Variants in TIAM1 observed in about 807,000 individuals in gnomAD.
The protein encoded by TIAM1 is rho guanine nucleotide exchange factor TIAM1.
Under a neutral mutation model 163.5 loss-of-function variants are expected in TIAM1, and 65 were observed. That is an observed-to-expected ratio of 0.40 (90% confidence interval 0.33 to 0.49). TIAM1 has a LOEUF of 0.49. Ranked by LOEUF, TIAM1 falls within the 20% of genes least tolerant of loss-of-function variation. TIAM1 has a pLI of 0.77. For missense variants in TIAM1, 1,789 were observed against 2,044.7 expected (o/e 0.87, Z 2.41); for synonymous variants, 833 against 810.1 (o/e 1.03, Z -0.48).
rs763691801 is a variant in TIAM1 at position 31,141,803 on chromosome 21, CAT to C, written c.3476-301_3476-300del. On this transcript the variant is annotated intron_variant, in intron 20 of 27. Coordinates refer to ENST00000541036, the MANE Select transcript of TIAM1 (RefSeq NM_001353694.2). The surrounding 1 kb of genome is among the most constrained non-coding windows in gnomAD (Gnocchi z 4.7). ...TGCTCTTTATCCTCCTCCTATTACA[CAT>C]GTTTTTTTATCCTGATGTTTTGACA... Among the ~76,000 whole-genome samples, 20 of 152,144 alleles carry C rather than the reference CAT, an allele frequency of 1.3e-4. No individual in the cohort carries two copies. Among genetic ancestry groups the C allele is most frequent in the African/African-American group, 3.4e-4 (14 of 41,436 alleles).
intron 11 of TIAM1, among the ~76,000 whole-genome samples, chr21:31,205,823 G>A (rs935241289): frequency 2.6e-5 from 4 of 152,014 alleles, no homozygotes; most frequent in South Asian, 2.1e-4. Context: ...ACTTAGCCAC[G>A]CATGGTGGGG....
At chr21:31,166,143 G>A (rs574163401) in intron 15 of TIAM1, among the ~76,000 whole-genome samples, 41 of 152,282 alleles carry the variant, frequency 2.7e-4, no homozygotes, top group African/African-American at 9.4e-4. Context: ...TACTAGCTCC[G>A]AATGATACTA....
chr21:31,372,870 A>T (rs886751603), intron 2 of TIAM1, among the ~76,000 whole-genome samples: 1 of 152,030 alleles, frequency 6.6e-6, no homozygotes, highest in Non-Finnish European at 1.5e-5. Flanking sequence ...AGCTTGACCA[A>T]CATGAAGAAA....
At chr21:31,165,883 A>G (rs2084189555) in intron 15 of TIAM1, among the ~76,000 whole-genome samples, 1 of 152,222 alleles carries the variant, frequency 6.6e-6, no homozygotes, top group African/African-American at 2.4e-5. Context: ...AACTATAAAC[A>G]TCTTATAATA....
Position 31,438,179 on chromosome 21 carries a change from C to CTTTT in TIAM1, c.-369+25800_-369+25803dup, listed in dbSNP as rs34844399. On this transcript the variant is annotated intron_variant, in intron 2 of 28. Transcript: ENST00000286827. ...ACATATGTAATTGCGTATTTGTGATCTTTTTTTTTTTTTTTTTTTTTTTTT... is the reference window on the plus strand; with the variant it reads ...ACATATGTAATTGCGTATTTGTGATCTTTTTTTTTTTTTTTTTTTTTTTTTTTTT... Among the ~76,000 whole-genome samples, 123 of 62,722 alleles carry CTTTT rather than the reference C, an allele frequency of 2.0e-3. 16 individuals carry two copies. The highest frequency in any genetic ancestry group is 4.8e-3 in the African/African-American group (69 of 14,288). The allele number at this position is 62,722 out of a possible 152,430, so 41.1% of individuals were successfully genotyped here.
intron 2 of TIAM1, among the ~76,000 whole-genome samples, chr21:31,349,296 G>C (rs957556216): frequency 6.6e-6 from 1 of 152,172 alleles, no homozygotes; most frequent in Non-Finnish European, 1.5e-5. Context: ...TAACTGAAAG[G>C]GTGAAGGGAA....
At chr21:31,538,945 A>G (rs1433910592) in intron 1 of TIAM1, among the ~76,000 whole-genome samples, 2 of 152,184 alleles carry the variant, frequency 1.3e-5, no homozygotes, top group Admixed American at 6.5e-5. Flanking sequence ...TAATGGAAAC[A>G]CCACATTTAA....
intron 1 of TIAM1, among the ~76,000 whole-genome samples, chr21:31,522,448 T>A (rs894520160): frequency 4.0e-5 from 6 of 150,472 alleles, no homozygotes; most frequent in Non-Finnish European, 8.9e-5. Context: ...AGGCAGAGGT[T>A]GCGGTGAGCC....
rs972572076 is a variant in TIAM1, at chr21:31,221,337, C to T, written c.1995+2069G>A. Among the ~76,000 whole-genome samples the T allele has an allele frequency of 1.4e-4, 22 of 152,128 alleles. 1 individual carries two copies. Among genetic ancestry groups the T allele is most frequent in the Non-Finnish European group, 2.8e-4 (19 of 68,030 alleles). On this transcript the variant is annotated intron_variant, in intron 8 of 27. Coordinates refer to ENST00000541036, the MANE Select transcript of TIAM1 (RefSeq NM_001353694.2). The stretch of plus-strand genomic sequence containing the variant: ...ACCCAGACTTGTATCACTGACAAAG[C>T]GAGCAAAAACCCAAGAAAGGAACAG...
At chr21:31,506,172 T>C (rs961055343) in intron 1 of TIAM1, among the ~76,000 whole-genome samples, 6 of 151,462 alleles carry the variant, frequency 4.0e-5, no homozygotes, top group African/African-American at 1.5e-4. Context: ...CAGCAGGAAA[T>C]CAGCCACCTA....
chr21:31,547,735 A>C (rs1044191099), intron 1 of TIAM1, among the ~76,000 whole-genome samples: 2 of 152,226 alleles, frequency 1.3e-5, no homozygotes, highest in Admixed American at 1.3e-4. Context: ...TAGACCATGC[A>C]CCACACTTGG....
chr21:31,486,818 TCATATCACCACTCAGGCCCCCG>T (rs2046287616), intron 1 of TIAM1, among the ~76,000 whole-genome samples: 1 of 152,050 alleles, frequency 6.6e-6, no homozygotes. Flanking sequence ...GTAATGAGAG[TCATATCACCACTCAGGCCCCCG>T]CATGTCACAC....
chr21:31,453,251 T>C (rs567302001), intron 2 of TIAM1: 1 of 240,654 alleles, frequency 4.2e-6, no homozygotes, highest in Admixed American at 4.0e-5. Context: ...ATACAGCTGC[T>C]TTCTAGTGGT....
At chr21:31,292,234 G>A (rs2074049515) in intron 2 of TIAM1, among the ~76,000 whole-genome samples, 1 of 152,120 alleles carries the variant, frequency 6.6e-6, no homozygotes, top group African/African-American at 2.4e-5. Flanking sequence ...GGAGCTTCAT[G>A]AATATTCATT....
At chr21:31,222,699 ATATATATATTTTTTTTTTTTTTT>A (rs1426051228) in intron 8 of TIAM1, among the ~76,000 whole-genome samples, 2 of 39,796 alleles carry the variant, frequency 5.0e-5, no homozygotes, top group African/African-American at 2.8e-4. Flanking sequence ...ATATATATAT[ATATATATATTTTTTTTTTTTTTT>A]TTTTTTTTTT....
intron 1 of TIAM1, among the ~76,000 whole-genome samples, chr21:31,545,702 G>A (rs193283131): frequency 2.0e-5 from 3 of 152,260 alleles, no homozygotes; most frequent in East Asian, 3.9e-4. Flanking sequence ...CATTAATAGC[G>A]CTAATCCTTC....
chr21:31,464,631 T>C (rs183990154), intron 1 of TIAM1, among the ~76,000 whole-genome samples: 63 of 149,662 alleles, frequency 4.2e-4, no homozygotes, highest in Admixed American at 6.7e-4. Flanking sequence ...TCACTCGAGG[T>C]CAGAAGTTCA....
intron 2 of TIAM1, among the ~76,000 whole-genome samples, chr21:31,321,794 C>T (rs1360962452): frequency 2.0e-5 from 3 of 152,052 alleles, no homozygotes; most frequent in African/African-American, 7.2e-5. Context: ...CACGGTGGCT[C>T]ACACCTGTAA....
At chr21:31,183,093 G>C (rs2085114370) in intron 14 of TIAM1, among the ~76,000 whole-genome samples, 1 of 152,140 alleles carries the variant, frequency 6.6e-6, no homozygotes, top group South Asian at 2.1e-4. Flanking sequence ...TATTTCCAAG[G>C]AACCAAAATG....
Sources: gnomAD v4.1 joint callset for allele counts (sites outside exome capture counted in the v4.1 genomes callset) on GRCh38, gnomAD v4.1.1 for gene constraint, Gnocchi (gnomAD v3.1) non-coding constraint, MANE v1.5 for transcripts, NCBI Gene and HGNC (gene_info 2026-07-23, HGNC 2026-07-21) for gene names.